The following RBMS3 variants were observed in gnomAD, a reference collection of about 807,000 sequenced individuals.
RBMS3 encodes the protein RNA binding motif single stranded interacting protein 3, also known as RNA-binding motif, single-stranded-interacting protein 3.
RBMS3 carries 27 observed loss-of-function variants against 66.8 expected under a neutral mutation model. That is an observed-to-expected ratio of 0.40 (90% CI 0.30 to 0.56). The LOEUF (loss-of-function observed/expected upper bound fraction) is 0.56. Among genes scored for constraint, RBMS3 ranks in the 20% least tolerant of loss-of-function variants. RBMS3 has a pLI of 0.40. For synonymous variants in RBMS3, 188 were observed against 183.0 expected, an observed-to-expected ratio of 1.03 and a Z score of -0.22; for missense variants, 513 against 549.5, an observed-to-expected ratio of 0.93 and a Z score of 0.66.
At chr3:29,287,825 T>C (rs927540763) in intron 1 of RBMS3, among the ~76,000 whole-genome samples, 5 of 152,076 alleles carry the variant, frequency 3.3e-5, no homozygotes, top group Non-Finnish European at 1.5e-5. Context: ...TGGCTATTTT[T>C]AGATTTCAGA....
chr3:29,327,365 T>C (rs950400300), intron 1 of RBMS3, among the ~76,000 whole-genome samples: 1 of 152,166 alleles, frequency 6.6e-6, no homozygotes, highest in Non-Finnish European at 1.5e-5. Flanking sequence ...CTTTGAAGTC[T>C]TATGTTTATA....
chr3:29,372,599 T>C (rs1252653886), intron 1 of RBMS3, among the ~76,000 whole-genome samples: 1 of 152,154 alleles, frequency 6.6e-6, no homozygotes, highest in Non-Finnish European at 1.5e-5. Flanking sequence ...TAATTCAACT[T>C]GATTTTTTAA....
At chr3:29,905,730 C>T (rs2149619962) in intron 10 of RBMS3, among the ~76,000 whole-genome samples, 1 of 152,188 alleles carries the variant, frequency 6.6e-6, no homozygotes, top group South Asian at 2.1e-4. Context: ...ATAACATACA[C>T]TAAAACTAAT....
intron 10 of RBMS3, among the ~76,000 whole-genome samples, chr3:29,913,020 A>G: frequency 6.6e-6 from 1 of 151,772 alleles, no homozygotes. Flanking sequence ...TGAGAGGCAA[A>G]TTTCATCTAA....
At chr3:29,614,087 G>A (rs1012281111) in intron 4 of RBMS3, among the ~76,000 whole-genome samples, 8 of 151,954 alleles carry the variant, frequency 5.3e-5, no homozygotes, top group Admixed American at 3.9e-4. Flanking sequence ...GTTCATCAAT[G>A]GATGAATGGA....
chr3:29,899,971 G>A (rs1379866774), intron 10 of RBMS3, among the ~76,000 whole-genome samples: 5 of 151,114 alleles, frequency 3.3e-5, no homozygotes, highest in Non-Finnish European at 7.4e-5. Context: ...AAAGAGAGAG[G>A]GTGAAAAAGC....
intron 1 of RBMS3, among the ~76,000 whole-genome samples, chr3:29,347,528 T>C (rs2036648020): frequency 6.6e-6 from 1 of 152,198 alleles, no homozygotes; most frequent in South Asian, 2.1e-4. Flanking sequence ...TCTATGGGTG[T>C]GTGCATTCGC....
chr3:29,758,672 T>C (rs72846820), intron 5 of RBMS3, among the ~76,000 whole-genome samples: 3,137 of 152,236 alleles, frequency 0.021, 121 homozygotes, highest in African/African-American at 0.071. Context: ...GAGAAGAAAA[T>C]TCATCGCATT....
At chr3:29,303,854 G>A (rs962336953) in intron 1 of RBMS3, among the ~76,000 whole-genome samples, 3 of 152,010 alleles carry the variant, frequency 2.0e-5, no homozygotes, top group African/African-American at 7.2e-5. Context: ...CCACGTGGCT[G>A]GGGAGGCCTC....
chr3:29,774,291 A>G (rs1185740406), intron 6 of RBMS3, among the ~76,000 whole-genome samples: 3 of 152,016 alleles, frequency 2.0e-5, no homozygotes, highest in African/African-American at 2.4e-5. Context: ...TCTTTATAAA[A>G]GGGATACACC....
At chr3:29,441,656 T>G (rs2041624473) in intron 2 of RBMS3, among the ~76,000 whole-genome samples, 1 of 152,194 alleles carries the variant, frequency 6.6e-6, no homozygotes, top group African/African-American at 2.4e-5. Flanking sequence ...CCATGACTAC[T>G]CGTGAGAATC....
At chr3:29,979,136 CAAAAAGAAACGAGAA>C (rs1490828685) in intron 12 of RBMS3, among the ~76,000 whole-genome samples, 1 of 151,502 alleles carries the variant, frequency 6.6e-6, no homozygotes, top group Non-Finnish European at 1.5e-5. Context: ...GCCTCTAAAA[CAAAAAGAAACGAGAA>C]GGAAAGAAAC....
At chr3:29,851,972 A>G (rs1053710758) in intron 6 of RBMS3, among the ~76,000 whole-genome samples, 1 of 152,208 alleles carries the variant, frequency 6.6e-6, no homozygotes, top group East Asian at 1.9e-4. Flanking sequence ...GTACTGGTAC[A>G]AAAACAGACA....
intron 1 of RBMS3, among the ~76,000 whole-genome samples, chr3:29,377,007 T>C (rs1156373328): frequency 1.3e-5 from 2 of 151,818 alleles, no homozygotes; most frequent in Non-Finnish European, 2.9e-5. Context: ...GAAAATCACT[T>C]GAGTCTGGGA....
At chr3:29,371,569 T>C (rs555726929) in intron 1 of RBMS3, among the ~76,000 whole-genome samples, 1 of 152,340 alleles carries the variant, frequency 6.6e-6, no homozygotes, top group Admixed American at 6.5e-5. Context: ...GTGATAGTGT[T>C]TGTTGTTTAT....
chr3:29,483,878 A>G (rs144980485), intron 2 of RBMS3, among the ~76,000 whole-genome samples: 11 of 152,312 alleles, frequency 7.2e-5, no homozygotes, highest in African/African-American at 2.6e-4. Flanking sequence ...TTAGCCCGAA[A>G]TAGTATGTTA....
rs1046920321 is a variant in RBMS3, at chr3:29,429,589, G to A, written c.76-5154G>A. 2.6e-5 allele frequency among the ~76,000 whole-genome samples: 4 copies of A among 152,186 alleles called. No individual in the cohort carries two copies. The East Asian group carries it at 5.8e-4, about 22-fold the overall frequency. On this transcript the variant is annotated intron_variant, in intron 1 of 14. Coordinates refer to ENST00000383767, the MANE Select transcript of RBMS3 (RefSeq NM_001003793.3). ...CCCTTCTGAATGTGCCATTTCCACC[G>A]CTTCTAAGCTGACACTGCAAATTCA...
chr3:29,490,372 G>A (rs953293263), intron 3 of RBMS3, among the ~76,000 whole-genome samples: 3 of 152,072 alleles, frequency 2.0e-5, no homozygotes, highest in Non-Finnish European at 2.9e-5. Context: ...ATAGGAAGGG[G>A]TTCACCATGA....
At chr3:29,285,927 G>T (rs2032292633) in intron 1 of RBMS3, among the ~76,000 whole-genome samples, 1 of 152,092 alleles carries the variant, frequency 6.6e-6, no homozygotes, top group Non-Finnish European at 1.5e-5. Context: ...ACATGAAAAT[G>T]TAGAAAATCT....
Sources: allele counts gnomAD v4.1 joint callset (sites outside exome capture counted in the v4.1 genomes callset), GRCh38; gene constraint gnomAD v4.1.1; transcripts MANE v1.5; gene names NCBI Gene and HGNC (gene_info 2026-07-23, HGNC 2026-07-21).